Variants in SENP7 observed in about 807,000 individuals in gnomAD.
SENP7 encodes SUMO specific peptidase 7.
A neutral mutation model predicts 141.2 loss-of-function variants in SENP7; 64 were observed. The observed-to-expected ratio is 0.45, with a 90% CI of 0.37 to 0.56. The LOEUF (loss-of-function observed/expected upper bound fraction) is 0.56. Ranked by LOEUF, SENP7 falls within the 20% of genes least tolerant of loss-of-function variation. The pLI is 0.00. For synonymous variants in SENP7, 382 were observed against 426.4 expected (o/e 0.90, Z 1.28); for missense variants, 1,025 against 1,212.2 (o/e 0.85, Z 2.29).
At chr3:101,438,715 G>A (rs1204041520) in intron 4 of SENP7, among the ~76,000 whole-genome samples, 7 of 152,276 alleles carry the variant, frequency 4.6e-5, no homozygotes, top group Admixed American at 6.5e-5. Context: ...CGGTTTCAAC[G>A]AATGAGTAAA....
At chr3:101,374,054 T>C (rs978398403) in intron 6 of SENP7, among the ~76,000 whole-genome samples, 1 of 152,188 alleles carries the variant, frequency 6.6e-6, no homozygotes, top group African/African-American at 2.4e-5. Flanking sequence ...GCAAATATAC[T>C]TTAAAATTAT....
intron 5 of SENP7, among the ~76,000 whole-genome samples, chr3:101,413,422 G>A (rs1337135263): frequency 1.3e-5 from 2 of 152,084 alleles, no homozygotes; most frequent in African/African-American, 2.4e-5. Context: ...GGTTCTTACA[G>A]GGAAAATATA....
chr3:101,464,920 G>A (rs2063709630), intron 3 of SENP7, among the ~76,000 whole-genome samples: 1 of 152,086 alleles, frequency 6.6e-6, no homozygotes, highest in African/African-American at 2.4e-5. Flanking sequence ...AAAGGAAACA[G>A]ATGCTTATGT....
At chr3:101,441,739 C>A (rs556107219) in intron 4 of SENP7, among the ~76,000 whole-genome samples, 2 of 152,290 alleles carry the variant, frequency 1.3e-5, no homozygotes, top group South Asian at 4.1e-4. Flanking sequence ...CAAGAACTGG[C>A]ACAAATGGCT....
chr3:101,411,501 G>A (rs1200805804), intron 5 of SENP7, among the ~76,000 whole-genome samples: 1 of 152,070 alleles, frequency 6.6e-6, no homozygotes, highest in East Asian at 1.9e-4. Flanking sequence ...ATCCAGTTTG[G>A]GTACCCTGAG....
intron 3 of SENP7, among the ~76,000 whole-genome samples, chr3:101,489,172 A>G (rs555993335): frequency 1.8e-4 from 27 of 152,290 alleles, no homozygotes; most frequent in African/African-American, 6.5e-4. Context: ...GGAGTACTAA[A>G]CATGGAATCA....
chr3:101,412,679 G>A (rs758221962), intron 5 of SENP7, among the ~76,000 whole-genome samples: 4 of 151,970 alleles, frequency 2.6e-5, no homozygotes, highest in Admixed American at 6.5e-5. Context: ...AACGATCTCT[G>A]GTACAAACTG....
At chr3:101,347,015 A>G (rs961026582) in intron 13 of SENP7, among the ~76,000 whole-genome samples, 3 of 151,880 alleles carry the variant, frequency 2.0e-5, no homozygotes, top group Non-Finnish European at 2.9e-5. Context: ...AGGAGGAAGG[A>G]GGAGGAAGAA....
chr3:101,380,846 G>A (rs2060482122), intron 6 of SENP7, among the ~76,000 whole-genome samples: 1 of 151,916 alleles, frequency 6.6e-6, no homozygotes, highest in South Asian at 2.1e-4. Flanking sequence ...TTGTTTATGA[G>A]AGAAAAAAAA....
intron 11 of SENP7, chr3:101,358,089 C>G: frequency 1.7e-6 from 1 of 598,700 alleles, no homozygotes; most frequent in Admixed American, 3.0e-5. Flanking sequence ...AGAAACTCTA[C>G]AAATGTGAAG....
At chr3:101,416,815 C>G (rs1358143177) in intron 5 of SENP7, among the ~76,000 whole-genome samples, 1 of 152,080 alleles carries the variant, frequency 6.6e-6, no homozygotes, top group East Asian at 1.9e-4. Context: ...GTTTAAAGTA[C>G]TTATATACTG....
At chr3:101,346,887 C>T (rs987868385) in intron 13 of SENP7, among the ~76,000 whole-genome samples, 1 of 149,692 alleles carries the variant, frequency 6.7e-6, no homozygotes, top group African/African-American at 2.5e-5. Context: ...CCACCGGTTT[C>T]CCAAAAACCC....
intron 16 of SENP7, 47 bp from the exon 17 acceptor site, chr3:101,337,678 T>G (rs1421240133): frequency 6.9e-7 from 1 of 1,447,396 alleles, no homozygotes; most frequent in Non-Finnish European, 9.2e-7. Flanking sequence ...TAGATTTTAC[T>G]TGGTCGTCCC....
intron 17 of SENP7, among the ~76,000 whole-genome samples, chr3:101,334,798 T>C (rs776984426): frequency 2.6e-5 from 4 of 152,174 alleles, no homozygotes; most frequent in Non-Finnish European, 5.9e-5. Context: ...CTAACCTTAT[T>C]TGATTGAGAA....
rs2061609539 is a variant in SENP7, at chr3:101,416,000, A to G, written c.482+1593T>C. Among the ~76,000 whole-genome samples, 7 of 152,232 alleles carry G rather than the reference A, an allele frequency of 4.6e-5. 1 individual carries two copies. The South Asian group carries it at 1.4e-3, about 31-fold the overall frequency. On this transcript the variant is annotated intron_variant, in intron 5 of 23. Transcript: ENST00000394095. Reference sequence around the variant, plus strand: ...GACTGGATATAAGGATAAGGAAAAAAGAGGAGTCAAAGACAATTCCCAAGT... The same window carrying G: ...GACTGGATATAAGGATAAGGAAAAAGGAGGAGTCAAAGACAATTCCCAAGT...
chr3:101,511,097 G>A (rs981163544), intron 1 of SENP7, among the ~76,000 whole-genome samples: 8 of 152,130 alleles, frequency 5.3e-5, no homozygotes, highest in African/African-American at 1.9e-4. Context: ...TTTGGGTATG[G>A]ATTTTATTAT....
chr3:101,456,996 G>T (rs2063374720), intron 4 of SENP7, among the ~76,000 whole-genome samples: 1 of 151,808 alleles, frequency 6.6e-6, no homozygotes, highest in Admixed American at 6.6e-5. Flanking sequence ...ACTAGGCAAA[G>T]AACTTTATTA....
At position 101,366,415 on chromosome 3, in the gene SENP7, C is replaced by A. The variant is rs772418511; in HGVS notation, c.1318+15G>T. On this transcript the variant is annotated intron_variant, in intron 9 of 23. Coordinates refer to ENST00000394095, the MANE Select transcript of SENP7 (RefSeq NM_020654.5). ...AGAGGAAATTAAGTAACTTTATAAT[C>A]CTCCTGTCACTTACTTGGTTCAGCT... The A allele has an allele frequency of 1.0e-5, 15 of 1,500,968 alleles. No individual in the cohort carries two copies. The Admixed American group carries it at 3.2e-4, about 32-fold the overall frequency. 93.0% of individuals were successfully genotyped at this position (1,500,968 alleles called of 1,614,324 possible).
At chr3:101,498,053 T>C (rs2065230714) in intron 2 of SENP7, among the ~76,000 whole-genome samples, 1 of 152,146 alleles carries the variant, frequency 6.6e-6, no homozygotes, top group Admixed American at 6.5e-5. Flanking sequence ...CACCTTGGCC[T>C]CCCAAAGTGC....
Sources: allele counts gnomAD v4.1 joint callset (sites outside exome capture counted in the v4.1 genomes callset), GRCh38; gene constraint gnomAD v4.1.1; transcripts MANE v1.5; gene names NCBI Gene and HGNC (gene_info 2026-07-23, HGNC 2026-07-21).